DDAH1: variants seen among roughly 807,000 people sequenced by gnomAD.
The protein encoded by DDAH1 is N(G),N(G)-dimethylarginine dimethylaminohydrolase 1.
A neutral mutation model predicts 28.8 loss-of-function variants in DDAH1; 19 were observed. That is an observed-to-expected ratio of 0.66 (90% CI 0.46 to 0.97). The LOEUF (loss-of-function observed/expected upper bound fraction) is 0.97, where lower values mean the gene tolerates loss of function less well. Among genes scored for constraint, DDAH1 ranks in the 50% least tolerant of loss-of-function variants. DDAH1 has a pLI of 0.00. For synonymous variants in DDAH1, 153 were observed against 154.4 expected, an observed-to-expected ratio of 0.99 and a Z score of 0.07; for missense variants, 326 against 375.9, an observed-to-expected ratio of 0.87 and a Z score of 1.10.
At chr1:85,358,685 A>G (rs2100858087) in intron 2 of DDAH1, 63 bp downstream of exon 2, 1 of 1,212,012 alleles carries the variant, frequency 8.3e-7, no homozygotes, top group Non-Finnish European at 1.2e-6. Flanking sequence ...CTATAATAAA[A>G]CAAGTAAATA....
chr1:85,326,126 A>G (rs987673842), intron 4 of DDAH1, among the ~76,000 whole-genome samples: 1 of 152,246 alleles, frequency 6.6e-6, no homozygotes, highest in Non-Finnish European at 1.5e-5. Flanking sequence ...CATTCCTAAG[A>G]GTGGCACATA....
intron 1 of DDAH1, among the ~76,000 whole-genome samples, chr1:85,415,357 G>A (rs1420286347): frequency 6.6e-6 from 1 of 152,124 alleles, no homozygotes; most frequent in Non-Finnish European, 1.5e-5. Context: ...ATAAATGCTT[G>A]AAAGCTATTT....
At chr1:85,334,711 G>T (rs1008670977) in intron 4 of DDAH1, among the ~76,000 whole-genome samples, 1 of 152,142 alleles carries the variant, frequency 6.6e-6, no homozygotes, top group South Asian at 2.1e-4. Flanking sequence ...CTGCAGAATT[G>T]TGAGTCAATT....
chr1:85,485,017 C>T lies in DDAH1; in HGVS notation c.-7+11149G>A, dbSNP rs557447186. ...ACAGGTTACTGTGTGCTATGGATAG[C>T]ATACCTGAGCTTCAGTAACTTTATT... is the stretch of plus-strand genomic sequence containing the variant. On this transcript the variant is annotated intron_variant, in intron 2 of 6. Coordinates refer to the DDAH1 transcript ENST00000426972. Among the ~76,000 whole-genome samples the T allele has an allele frequency of 9.2e-5, 14 of 152,342 alleles. No homozygotes were observed. In the South Asian group the frequency reaches 1.7e-3, roughly 18 times the overall value.
intron 1 of DDAH1, chr1:85,376,840 G>A (rs896348977): frequency 1.3e-5 from 2 of 149,454 alleles, no homozygotes; most frequent in African/African-American, 2.5e-5. Context: ...CCGAGAGTAA[G>A]TGTTAAAGCA....
At chr1:85,527,942 C>T (rs1342078085) in intron 1 of DDAH1, among the ~76,000 whole-genome samples, 1 of 152,048 alleles carries the variant, frequency 6.6e-6, no homozygotes, top group African/African-American at 2.4e-5. Context: ...CATTTTGCCT[C>T]CATGCCTCTT....
intron 1 of DDAH1, among the ~76,000 whole-genome samples, chr1:85,383,558 G>A (rs867808942): frequency 6.6e-6 from 1 of 152,212 alleles, no homozygotes; most frequent in Admixed American, 6.5e-5. Flanking sequence ...ATGGTAGTTT[G>A]AGAGGACTAC....
At chr1:85,466,967 A>G (rs1472662419), upstream of DDAH1, among the ~76,000 whole-genome samples, 4 of 148,118 alleles carry the variant, frequency 2.7e-5, no homozygotes, top group South Asian at 4.3e-4. Flanking sequence ...CCTCCCGAGT[A>G]GCTGGGATTA....
intron 1 of DDAH1, among the ~76,000 whole-genome samples, chr1:85,497,042 T>C (rs949911036): frequency 2.0e-5 from 3 of 152,174 alleles, no homozygotes; most frequent in African/African-American, 7.2e-5. Context: ...AAAAAAATAA[T>C]TCTTATACCA....
Position 85,404,423 on chromosome 1 carries a change from G to A in DDAH1, c.304-45576C>T, listed in dbSNP as rs1187331357. On this transcript the variant is annotated intron_variant, in intron 1 of 5. Transcript: ENST00000284031. ...AAATTGCCATCCAGAACTGCTTTTG[G>A]GAAGCAGTTCCTCCGCAATCTTTTC... The A allele has an allele frequency of 3.3e-6, 5 of 1,533,802 alleles. No homozygotes were observed. The East Asian group carries it at 7.3e-5, about 23-fold the overall frequency.
At chr1:85,490,314 A>T (rs1349786616) in intron 2 of DDAH1, among the ~76,000 whole-genome samples, 1 of 152,216 alleles carries the variant, frequency 6.6e-6, no homozygotes, top group Non-Finnish European at 1.5e-5. Context: ...TGACAGGAGA[A>T]ATGTGAAATG....
rs116529349 is a variant in DDAH1, at chr1:85,565,278, G to T, written c.-123+12706C>A. On this transcript the variant is annotated intron_variant, in intron 1 of 6. Coordinates refer to the DDAH1 transcript ENST00000426972. ...TCAGAAACAACATAAGCCAGAAGCA[G>T]CAGGGCTATAATGCAATGAAAGAAA... is the stretch of plus-strand genomic sequence containing the variant. Among the ~76,000 whole-genome samples the T allele has an allele frequency of 9.6e-3, 1,456 of 152,256 alleles. 19 individuals are homozygous for T. Among genetic ancestry groups the T allele is most frequent in the African/African-American group, 0.033 (1,368 of 41,520 alleles).
intron 1 of DDAH1, among the ~76,000 whole-genome samples, chr1:85,362,149 T>G (rs1649831461): frequency 6.6e-6 from 1 of 152,162 alleles, no homozygotes; most frequent in African/African-American, 2.4e-5. Context: ...AGTATACAGT[T>G]AGAGAACATA....
upstream of DDAH1, among the ~76,000 whole-genome samples, chr1:85,468,027 A>C (rs1282342889): frequency 2.6e-5 from 4 of 152,222 alleles, no homozygotes; most frequent in African/African-American, 4.8e-5. Flanking sequence ...GACTTGGTTT[A>C]GGCCTTAAAT....
intron 1 of DDAH1, among the ~76,000 whole-genome samples, chr1:85,534,744 A>T (rs1392618275): frequency 6.6e-6 from 1 of 152,106 alleles, no homozygotes; most frequent in Non-Finnish European, 1.5e-5. Flanking sequence ...CTCAGGAATA[A>T]CATCTCAGAA....
intron 2 of DDAH1, among the ~76,000 whole-genome samples, chr1:85,475,961 C>T (rs1163275737): frequency 6.6e-6 from 1 of 152,170 alleles, no homozygotes; most frequent in African/African-American, 2.4e-5. Flanking sequence ...AAGTGATTCT[C>T]CCACCTTAGT....
At chr1:85,476,677 A>G (rs1655815508) in intron 2 of DDAH1, among the ~76,000 whole-genome samples, 1 of 152,172 alleles carries the variant, frequency 6.6e-6, no homozygotes, top group Non-Finnish European at 1.5e-5. Flanking sequence ...GCTATCCTGT[A>G]CTGGTCAAAG....
chr1:85,441,713 GACT>G (rs1570548980), intron 1 of DDAH1, among the ~76,000 whole-genome samples: 2 of 152,122 alleles, frequency 1.3e-5, no homozygotes, highest in Admixed American at 6.5e-5. Context: ...ATCAGCAAGT[GACT>G]ACTATGTGCT....
chr1:85,394,867 G>A (rs975121915), intron 1 of DDAH1, among the ~76,000 whole-genome samples: 1 of 152,154 alleles, frequency 6.6e-6, no homozygotes, highest in African/African-American at 2.4e-5. Flanking sequence ...TTCCAAGTAA[G>A]TTAGAATACT....
Sources: gnomAD v4.1 joint callset for allele counts (sites outside exome capture counted in the v4.1 genomes callset) on GRCh38, gnomAD v4.1.1 for gene constraint, MANE v1.5 for transcripts, NCBI Gene and HGNC (gene_info 2026-07-23, HGNC 2026-07-21) for gene names.